Variants in SMAD7 observed in about 807,000 individuals in gnomAD.
The protein encoded by SMAD7 is SMAD family member 7.
Under a neutral mutation model 38.7 loss-of-function variants are expected in SMAD7, and 8 were observed. The observed-to-expected ratio is 0.21, with a 90% confidence interval of 0.12 to 0.37. The LOEUF is 0.37. SMAD7 is among the 10% of genes least tolerant of loss of function. SMAD7 has a pLI of 1.00. For missense variants in SMAD7, 477 were observed against 577.9 expected (o/e 0.83, Z 1.79); for synonymous variants, 327 against 265.1 (o/e 1.23, Z -2.27).
chr18:48,938,147 G>A (rs765575232), intron 3 of SMAD7, among the ~76,000 whole-genome samples: 1 of 152,216 alleles, frequency 6.6e-6, no homozygotes, highest in African/African-American at 2.4e-5. Context: ...AGCCAGGGGT[G>A]CATTTTCAGA....
rs769507817 is a variant in SMAD7, at chr18:48,949,888, G to A, written c.537C>T (p.Cys179=). ...GGTTGATCTTCCCGTAAGATTCACA[G>A]CAACACAGCCTCTTGACTTCCGAGG... ...RHSSEVKRLC[C]CESYGKINPE... is the part of the protein sequence containing the mutation. The change falls in exon 1 of 4, where the codon TGC becomes TGT. Residue 179 remains cysteine (C), a synonymous_variant. Transcript: ENST00000262158. 2 of 1,613,694 alleles carry A rather than the reference G, an allele frequency of 1.2e-6. No individual in the cohort carries two copies. Among genetic ancestry groups the A allele is most frequent in the South Asian group, 1.1e-5 (1 of 91,046 alleles).
At chr18:48,925,442 A>AC (rs771772345) in intron 3 of SMAD7, among the ~76,000 whole-genome samples, 29 of 151,060 alleles carry the variant, frequency 1.9e-4, no homozygotes, top group African/African-American at 6.8e-4. Flanking sequence ...GCCCCCCCCC[A>AC]ACCTTCCCCA....
At chr18:48,938,490 A>C (rs561229870) in intron 3 of SMAD7, among the ~76,000 whole-genome samples, 1 of 152,320 alleles carries the variant, frequency 6.6e-6, no homozygotes, top group East Asian at 1.9e-4. Flanking sequence ...AAGTTTAAAT[A>C]ACTACAAGTG....
chr18:48,928,217 G>T (rs1437779643), intron 3 of SMAD7, among the ~76,000 whole-genome samples: 3 of 152,206 alleles, frequency 2.0e-5, no homozygotes, highest in South Asian at 2.1e-4. Context: ...AGGGGACAAG[G>T]GAAGATGGCC....
chr18:48,939,861 G>A (rs1035766231), intron 3 of SMAD7, among the ~76,000 whole-genome samples: 1 of 137,728 alleles, frequency 7.3e-6, no homozygotes, highest in African/African-American at 2.8e-5. Context: ...TGTCTGCTAT[G>A]CCCCTTCCCC....
intron 3 of SMAD7, among the ~76,000 whole-genome samples, chr18:48,935,389 G>A (rs1429543661): frequency 6.6e-6 from 1 of 152,242 alleles, no homozygotes; most frequent in Non-Finnish European, 1.5e-5. Flanking sequence ...CGAGCGAGAG[G>A]TGGTAGGGCC....
chr18:48,928,259 G>A (rs2069952607), intron 3 of SMAD7, among the ~76,000 whole-genome samples: 1 of 152,196 alleles, frequency 6.6e-6, no homozygotes, highest in African/African-American at 2.4e-5. Flanking sequence ...CATGGTCTCT[G>A]GCTGGACTCT....
intron 2 of SMAD7, among the ~76,000 whole-genome samples, chr18:48,944,132 G>GTA: frequency 1.3e-5 from 2 of 152,304 alleles, no homozygotes; most frequent in Middle Eastern, 3.4e-3. Flanking sequence ...GTTAAATGGT[G>GTA]TATACCCTGC....
At chr18:48,936,180 C>T (rs1267630545) in intron 3 of SMAD7, among the ~76,000 whole-genome samples, 2 of 151,488 alleles carry the variant, frequency 1.3e-5, no homozygotes, top group Admixed American at 6.6e-5. Context: ...CATCAATGTA[C>T]TTCCCATGTG....
At chr18:48,922,407 C>T (rs1026123648) in intron 3 of SMAD7, among the ~76,000 whole-genome samples, 3 of 152,132 alleles carry the variant, frequency 2.0e-5, no homozygotes, top group Non-Finnish European at 4.4e-5. Flanking sequence ...ATGACACAGC[C>T]AGAGCTAGAA....
intron 3 of SMAD7, among the ~76,000 whole-genome samples, chr18:48,932,460 C>T (rs2070013710): frequency 6.6e-6 from 1 of 152,126 alleles, no homozygotes; most frequent in Non-Finnish European, 1.5e-5. Context: ...GAAAGAAAGT[C>T]CCGACTTTGC....
At chr18:48,933,230 C>A (rs958435051) in intron 3 of SMAD7, among the ~76,000 whole-genome samples, 1 of 152,162 alleles carries the variant, frequency 6.6e-6, no homozygotes, top group Non-Finnish European at 1.5e-5. Flanking sequence ...AGGCCCATCC[C>A]AGGGGGCCCA....
At chr18:48,939,375 A>AC (rs1334929544) in intron 3 of SMAD7, among the ~76,000 whole-genome samples, 27 of 63,180 alleles carry the variant, frequency 4.3e-4, no homozygotes, top group African/African-American at 7.3e-4. Context: ...TCGTCTACCC[A>AC]CCCCCCCACA....
At chr18:48,940,625 G>A (rs1389176232) in intron 3 of SMAD7, among the ~76,000 whole-genome samples, 3 of 152,154 alleles carry the variant, frequency 2.0e-5, no homozygotes, top group East Asian at 1.9e-4. Context: ...AGTGGTGGAT[G>A]CCTGTAATCC....
At position 48,921,468 on chromosome 18, in the gene SMAD7, C is replaced by T; in HGVS notation, c.1185G>A (p.Val395=). Residue 395 remains valine, a synonymous_variant, in exon 4 of 4, where the codon GTG becomes GTA. Transcript: ENST00000262158. This position sits in a 1 kb window ranked among gnomAD's most constrained non-coding sequence, Gnocchi z 6.4. The part of the protein sequence containing the change: ...FMQQPWTGFT[V]QISFVKGWGQ... ...CCCAGCCCTTCACAAAGCTGATCTG[C>T]ACGGTAAAGCCCGTCCACGGCTGCT... 1 of 1,614,218 alleles carries T rather than the reference C, an allele frequency of 6.2e-7. No homozygotes were observed. Among genetic ancestry groups the T allele is most frequent in the Non-Finnish European group, 8.5e-7 (1 of 1,180,036 alleles).
Position 48,921,355 on chromosome 18 carries a change from GTCCCCTC to G in SMAD7, c.*10_*16del. The G allele has an allele frequency of 6.2e-7, 1 of 1,601,338 alleles. No homozygotes were observed. The highest frequency in any genetic ancestry group is 8.5e-7 in the Non-Finnish European group (1 of 1,170,760). ...GTGTGGCCTGCTCAGCTCACGCTCT[GTCCCCTC>G]CGCACGCGGCTACCGGCTGTTGAAG... On this transcript the variant is annotated 3_prime_UTR_variant, in exon 4 of 4. Coordinates refer to ENST00000262158, the MANE Select transcript of SMAD7 (RefSeq NM_005904.4). This position sits in a 1 kb window ranked among gnomAD's most constrained non-coding sequence, Gnocchi z 6.4.
chr18:48,949,211 T>C (rs1018320334), intron 1 of SMAD7: 1 of 865,078 alleles, frequency 1.2e-6, no homozygotes. Context: ...GCTGGCAGAG[T>C]TGAAAGGAGA....
intron 2 of SMAD7, 42 bp downstream of exon 2, chr18:48,948,342 T>C (rs557022092): frequency 7.7e-6 from 11 of 1,433,402 alleles, no homozygotes; most frequent in African/African-American, 1.4e-5. Flanking sequence ...GCTCTATTTC[T>C]AACTTAAGAT....
chr18:48,950,131 C>T lies in SMAD7; in HGVS notation c.294G>A (p.Ser98=). ...AEADLKALTH[S]VLKKLKERQL... is the part of the protein sequence containing the mutation. The stretch of plus-strand genomic sequence containing the variant: ...GCCGCTCCTTCAGTTTCTTGAGCAC[C>T]GAGTGCGTGAGCGCCTTCAGATCCG... Residue 98 remains serine (S), a synonymous_variant, in exon 1 of 4, where the codon TCG becomes TCA. Coordinates refer to ENST00000262158, the MANE Select transcript of SMAD7 (RefSeq NM_005904.4). 1 of 1,495,338 alleles carries T rather than the reference C, an allele frequency of 6.7e-7. No individual in the cohort carries two copies. Among genetic ancestry groups the T allele is most frequent in the East Asian group, 2.9e-5 (1 of 34,432 alleles). 92.6% of individuals were successfully genotyped at this position (1,495,338 alleles called of 1,614,324 possible). A position where few individuals can be genotyped will look rare whatever the true frequency, so the allele number is the denominator to read the frequency against.
Sources: allele counts gnomAD v4.1 joint callset (sites outside exome capture counted in the v4.1 genomes callset), GRCh38; gene constraint gnomAD v4.1.1; non-coding constraint Gnocchi (gnomAD v3.1); transcripts MANE v1.5; gene names NCBI Gene and HGNC (gene_info 2026-07-23, HGNC 2026-07-21).